The following PTPRD variants were observed in gnomAD, a reference collection of about 807,000 sequenced individuals.
PTPRD encodes the protein protein tyrosine phosphatase receptor type D.
In PTPRD, 34 loss-of-function variants were observed where a neutral mutation model predicts 214.5. The observed-to-expected ratio is 0.16, with a 90% confidence interval of 0.12 to 0.21. The LOEUF is 0.21. Ranked by LOEUF, PTPRD falls within the 10% of genes least tolerant of loss-of-function variation. The pLI, the probability that PTPRD is intolerant of heterozygous loss-of-function variation, is 1.00. For missense variants in PTPRD, 2,545 were observed against 2,398.7 expected, an observed-to-expected ratio of 1.06 and a Z score of -1.27; for synonymous variants, 1,128 against 845.7, an observed-to-expected ratio of 1.33 and a Z score of -5.79.
chr9:8,951,151 G>GTGTGTGTGTGTGTC (rs1279440198), intron 11 of PTPRD, among the ~76,000 whole-genome samples: 1 of 151,542 alleles, frequency 6.6e-6, no homozygotes, highest in Non-Finnish European at 1.5e-5. Context: ...GTGTGTGTGT[G>GTGTGTGTGTGTGTC]TGTGTGTAAG....
chr9:9,872,310 T>C (rs1229476787), intron 5 of PTPRD, among the ~76,000 whole-genome samples: 1 of 152,144 alleles, frequency 6.6e-6, no homozygotes, highest in Non-Finnish European at 1.5e-5. Flanking sequence ...AGTCCCTCAA[T>C]TTCCTCCACA....
intron 3 of PTPRD, among the ~76,000 whole-genome samples, chr9:10,218,440 T>A (rs2099551501): frequency 6.6e-6 from 1 of 151,964 alleles, no homozygotes; most frequent in African/African-American, 2.4e-5. Flanking sequence ...GGGGGCAGCA[T>A]TACTTTTGTC....
chr9:8,956,834 G>A (rs1211662950), intron 11 of PTPRD, among the ~76,000 whole-genome samples: 2 of 151,814 alleles, frequency 1.3e-5, no homozygotes, highest in Non-Finnish European at 2.9e-5. Flanking sequence ...AACCCTTGAT[G>A]CAGTTTGCTT....
chr9:10,284,007 T>C (rs1369484000), intron 3 of PTPRD, among the ~76,000 whole-genome samples: 4 of 152,188 alleles, frequency 2.6e-5, no homozygotes, highest in Non-Finnish European at 5.9e-5. Context: ...GTCTTTTTTC[T>C]GCTCTTATTT....
intron 34 of PTPRD, among the ~76,000 whole-genome samples, chr9:8,440,475 C>T (rs946158844): frequency 2.6e-5 from 4 of 152,004 alleles, no homozygotes; most frequent in Admixed American, 1.3e-4. Flanking sequence ...CCACCACACC[C>T]GGCTAATTTT....
chr9:9,282,357 A>T (rs1948025110), intron 9 of PTPRD, among the ~76,000 whole-genome samples: 1 of 151,268 alleles, frequency 6.6e-6, no homozygotes, highest in Admixed American at 6.6e-5. Context: ...GTATTTCTTC[A>T]TCTGAAGTTT....
intron 8 of PTPRD, among the ~76,000 whole-genome samples, chr9:9,427,618 A>G (rs780570630): frequency 2.6e-5 from 4 of 152,188 alleles, no homozygotes; most frequent in Non-Finnish European, 1.5e-5. Context: ...TGTCAGATTT[A>G]CCAAAGTTGA....
At chr9:8,393,136 G>A (rs1011453840) in intron 36 of PTPRD, among the ~76,000 whole-genome samples, 2 of 152,034 alleles carry the variant, frequency 1.3e-5, no homozygotes, top group African/African-American at 4.8e-5. Flanking sequence ...CCACTTTTTG[G>A]GGGGTGACTT....
chr9:10,108,346 C>A (rs953505924), intron 3 of PTPRD, among the ~76,000 whole-genome samples: 9 of 151,976 alleles, frequency 5.9e-5, no homozygotes, highest in Admixed American at 1.3e-4. Context: ...ACTCTCTTTG[C>A]AATTTTCAAG....
At chr9:10,315,597 G>T (rs1287914761) in intron 3 of PTPRD, among the ~76,000 whole-genome samples, 1 of 151,876 alleles carries the variant, frequency 6.6e-6, no homozygotes, top group Non-Finnish European at 1.5e-5. Context: ...ATGTTTTAGA[G>T]TGTCTCAATT....
chr9:8,963,372 G>A (rs1398729058), intron 11 of PTPRD, among the ~76,000 whole-genome samples: 1 of 152,026 alleles, frequency 6.6e-6, no homozygotes, highest in Non-Finnish European at 1.5e-5. Context: ...TAATACGGGT[G>A]TTCACATAGA....
intron 8 of PTPRD, among the ~76,000 whole-genome samples, chr9:9,428,186 C>T (rs1254862221): frequency 6.6e-6 from 1 of 151,936 alleles, no homozygotes; most frequent in African/African-American, 2.4e-5. Context: ...TGCAGAGACA[C>T]ACAGGCTCAG....
At chr9:9,802,938 A>C (rs1270139289) in intron 5 of PTPRD, among the ~76,000 whole-genome samples, 1 of 151,884 alleles carries the variant, frequency 6.6e-6, no homozygotes, top group Non-Finnish European at 1.5e-5. Context: ...ATACTATACT[A>C]ATTATATTAA....
chr9:9,839,402 C>G (rs571014074), intron 5 of PTPRD, among the ~76,000 whole-genome samples: 57 of 152,090 alleles, frequency 3.7e-4, no homozygotes, highest in Non-Finnish European at 7.6e-4. Context: ...TTCTTACACA[C>G]CAATAACAGA....
At chr9:10,260,242 G>A (rs2093605538) in intron 3 of PTPRD, among the ~76,000 whole-genome samples, 1 of 152,160 alleles carries the variant, frequency 6.6e-6, no homozygotes, top group Admixed American at 6.5e-5. Context: ...CAGAATGTGG[G>A]TCAGTACCAA....
intron 9 of PTPRD, among the ~76,000 whole-genome samples, chr9:9,275,827 GTGTGTA>G (rs968947150): frequency 2.0e-4 from 30 of 146,354 alleles, no homozygotes; most frequent in African/African-American, 5.9e-4. Context: ...AGCTGTGTGT[GTGTGTA>G]TGTGTGTGTG....
At chr9:8,480,814 C>T (rs1015376869) in intron 30 of PTPRD, among the ~76,000 whole-genome samples, 2 of 152,078 alleles carry the variant, frequency 1.3e-5, no homozygotes, top group East Asian at 1.9e-4. Flanking sequence ...AAAAATTACA[C>T]AAATACTCCA....
Position 8,557,442 on chromosome 9 carries a change from A to G in PTPRD, c.353-28663T>C, listed in dbSNP as rs937656843. Among the ~76,000 whole-genome samples, 16 of 139,324 alleles carry G rather than the reference A, an allele frequency of 1.1e-4. 1 individual carries two copies. Among genetic ancestry groups the G allele is most frequent in the African/African-American group, 5.1e-4 (16 of 31,226 alleles). The allele number at this position is 139,324 out of a possible 152,430, so 91.4% of individuals were successfully genotyped here. A position where few individuals can be genotyped will look rare whatever the true frequency, so the allele number is the denominator to read the frequency against. On this transcript the variant is annotated intron_variant, in intron 14 of 45. Coordinates refer to ENST00000381196, the MANE Select transcript of PTPRD (RefSeq NM_002839.4). ...ATTTTTCATTTGTAAATACATATAT[A>G]TATATATATATATATTTGGGCCGGG...
intron 39 of PTPRD, among the ~76,000 whole-genome samples, chr9:8,352,611 C>A (rs1319982386): frequency 6.6e-6 from 1 of 152,104 alleles, no homozygotes; most frequent in Non-Finnish European, 1.5e-5. Flanking sequence ...GCTCAGTCCA[C>A]ACAGCAGGCT....
Sources: allele counts gnomAD v4.1 joint callset (sites outside exome capture counted in the v4.1 genomes callset), GRCh38; gene constraint gnomAD v4.1.1; transcripts MANE v1.5; gene names NCBI Gene and HGNC (gene_info 2026-07-23, HGNC 2026-07-21).